The following SCHIP1 variants were observed in gnomAD, a reference collection of about 807,000 sequenced individuals.
SCHIP1 encodes the protein schwannomin interacting protein 1, also known as schwannomin-interacting protein 1.
A neutral mutation model predicts 29.7 loss-of-function variants in SCHIP1; 8 were observed. The ratio of observed to expected loss-of-function variants is 0.27; its 90% CI spans 0.16 to 0.49. SCHIP1 has a LOEUF of 0.49. Ranked by LOEUF, SCHIP1 falls within the 20% of genes least tolerant of loss-of-function variation. The probability of loss-of-function intolerance (pLI) is 0.99; values close to 1 mark genes in which losing one functional copy is unlikely to be tolerated. For synonymous variants in SCHIP1, 76 were observed against 94.9 expected (o/e 0.80, Z 1.16); for missense variants, 193 against 294.6 (o/e 0.66, Z 2.52).
chr3:159,884,892 G>A (rs758376034), intron 2 of SCHIP1, among the ~76,000 whole-genome samples: 22 of 152,176 alleles, frequency 1.4e-4, no homozygotes, highest in Admixed American at 6.5e-5. Flanking sequence ...TGCCATGAGG[G>A]TAGGGAGCAA....
At chr3:159,470,564 G>A in the SCHIP1 span, among the ~76,000 whole-genome samples, 4 of 151,980 alleles carry the variant, frequency 2.6e-5, no homozygotes, top group South Asian at 8.3e-4. Context: ...GAAGAAAACT[G>A]TACAGGCACA....
chr3:159,501,335 G>A, the SCHIP1 span, among the ~76,000 whole-genome samples: 1 of 152,186 alleles, frequency 6.6e-6, no homozygotes, highest in South Asian at 2.1e-4. Flanking sequence ...AAGGAATTCT[G>A]TAGCTTCACT....
the SCHIP1 span, among the ~76,000 whole-genome samples, chr3:159,339,244 A>G: frequency 4.9e-4 from 72 of 145,492 alleles, no homozygotes; most frequent in South Asian, 1.8e-3. Context: ...CAAGCATAAC[A>G]TCATTAGAAT....
chr3:159,487,407 A>G, the SCHIP1 span, among the ~76,000 whole-genome samples: 12 of 152,030 alleles, frequency 7.9e-5, no homozygotes, highest in Non-Finnish European at 1.6e-4. Flanking sequence ...GATGTTCCCC[A>G]CATTGGTCTG....
At chr3:159,645,762 G>A in the SCHIP1 span, among the ~76,000 whole-genome samples, 7 of 152,172 alleles carry the variant, frequency 4.6e-5, no homozygotes, top group African/African-American at 1.7e-4. Flanking sequence ...AAAGAAATAG[G>A]ACTTGATCAT....
chr3:159,862,578 A>G (rs1055830565), intron 1 of SCHIP1, among the ~76,000 whole-genome samples: 1 of 152,246 alleles, frequency 6.6e-6, no homozygotes, highest in Non-Finnish European at 1.5e-5. Context: ...ACAGCATGAC[A>G]GATGAAGCAA....
the SCHIP1 span, among the ~76,000 whole-genome samples, chr3:159,397,910 A>ACC: frequency 6.6e-6 from 1 of 151,544 alleles, no homozygotes; most frequent in Non-Finnish European, 1.5e-5. Flanking sequence ...AATGGCATGC[A>ACC]CCCCTCCCCC....
the SCHIP1 span, among the ~76,000 whole-genome samples, chr3:159,570,205 T>C: frequency 6.6e-6 from 1 of 152,242 alleles, no homozygotes; most frequent in African/African-American, 2.4e-5. Flanking sequence ...GTTTTAGTCC[T>C]GAAGTCCTTG....
At chr3:159,370,108 C>A in the SCHIP1 span, among the ~76,000 whole-genome samples, 2 of 152,204 alleles carry the variant, frequency 1.3e-5, no homozygotes, top group East Asian at 3.9e-4. Flanking sequence ...TTGTTAAAAC[C>A]TAAATTGAAT....
At chr3:159,862,565 C>T (rs1714173013) in intron 1 of SCHIP1, among the ~76,000 whole-genome samples, 1 of 152,200 alleles carries the variant, frequency 6.6e-6, no homozygotes, top group African/African-American at 2.4e-5. Context: ...ACAAAAGCCA[C>T]TGACAGCATG....
the SCHIP1 span, among the ~76,000 whole-genome samples, chr3:159,736,680 G>A: frequency 2.0e-5 from 3 of 152,072 alleles, no homozygotes; most frequent in African/African-American, 4.8e-5. Flanking sequence ...TGCCTGCACC[G>A]GGGCTGCACT....
At chr3:159,694,168 G>A in the SCHIP1 span, among the ~76,000 whole-genome samples, 223 of 152,276 alleles carry the variant, frequency 1.5e-3, no homozygotes, top group African/African-American at 4.9e-3. Flanking sequence ...CAAATCCCAT[G>A]AGGTATACTA....
At chr3:159,776,332 CTTTTTTTTTTTT>C in the SCHIP1 span, among the ~76,000 whole-genome samples, 6 of 135,444 alleles carry the variant, frequency 4.4e-5, no homozygotes, top group African/African-American at 1.7e-4. Flanking sequence ...AGTGTTCTGT[CTTTTTTTTTTTT>C]TTTTTTTTTT....
chr3:159,500,147 T>G, the SCHIP1 span, among the ~76,000 whole-genome samples: 14 of 146,416 alleles, frequency 9.6e-5, no homozygotes, highest in South Asian at 2.1e-4. Flanking sequence ...TGTTTTTTTG[T>G]TTTTTTTTTA....
the SCHIP1 span, among the ~76,000 whole-genome samples, chr3:159,660,867 T>C: frequency 6.6e-6 from 1 of 152,174 alleles, no homozygotes; most frequent in Non-Finnish European, 1.5e-5. Flanking sequence ...GCCCACAGAA[T>C]CAGGCAGCAG....
intron 1 of SCHIP1, among the ~76,000 whole-genome samples, chr3:159,854,611 C>T (rs1713098127): frequency 6.6e-6 from 1 of 152,166 alleles, no homozygotes; most frequent in Admixed American, 6.5e-5. Context: ...CCCAGCTGTC[C>T]GCTTCTGCCG....
chr3:159,361,559 G>A, the SCHIP1 span, among the ~76,000 whole-genome samples: 7 of 152,172 alleles, frequency 4.6e-5, no homozygotes, highest in African/African-American at 7.2e-5. Context: ...ACCACTGCAG[G>A]GTTTTGAGAA....
chr3:159,647,627 T>C, the SCHIP1 span, among the ~76,000 whole-genome samples: 1 of 152,286 alleles, frequency 6.6e-6, no homozygotes, highest in African/African-American at 2.4e-5. Flanking sequence ...TCATTGCACT[T>C]TGTCCTACAA....
rs540566938 is a variant in SCHIP1, at chr3:159,875,885, GAGCTTGAGGAT to G, written c.149+9610_149+9620del. 5.8e-4 allele frequency among the ~76,000 whole-genome samples: 89 copies of G among 152,276 alleles called. No individual in the cohort carries two copies. In the East Asian group the frequency reaches 0.017, roughly 29 times the overall value. On this transcript the variant is annotated intron_variant, in intron 2 of 6. Coordinates refer to ENST00000445224, the Ensembl canonical transcript of SCHIP1. Reference sequence around the variant, plus strand: ...AGATGGGAGGATCCCTTGAGCCCAGGAGCTTGAGGATAGCTTAGGCAACACAGCGAGAACCT... The same window carrying G: ...AGATGGGAGGATCCCTTGAGCCCAGGAGCTTAGGCAACACAGCGAGAACCT...
Sources: allele counts gnomAD v4.1 joint callset (sites outside exome capture counted in the v4.1 genomes callset), GRCh38; gene constraint gnomAD v4.1.1; transcripts MANE v1.5; gene names NCBI Gene and HGNC (gene_info 2026-07-23, HGNC 2026-07-21).